The following SEC13 variants were observed in gnomAD, a reference collection of about 807,000 sequenced individuals.
SEC13 encodes SEC13 homolog, nuclear pore and COPII component.
SEC13 carries 25 observed loss-of-function variants against 49.2 expected under a neutral mutation model. The ratio of observed to expected loss-of-function variants is 0.51; its 90% CI spans 0.37 to 0.71. The LOEUF (loss-of-function observed/expected upper bound fraction) is 0.71, where lower values mean the gene tolerates loss of function less well. Among genes scored for constraint, SEC13 ranks in the 30% least tolerant of loss-of-function variants. SEC13 has a pLI of 0.00. For synonymous variants in SEC13, 148 were observed against 163.9 expected (o/e 0.90, Z 0.74); for missense variants, 383 against 417.6 (o/e 0.92, Z 0.72).
intron 1 of SEC13, among the ~76,000 whole-genome samples, chr3:10,318,741 A>G (rs1451512390): frequency 2.0e-5 from 3 of 152,196 alleles, no homozygotes; most frequent in Admixed American, 1.3e-4. Context: ...GGGCTGGAAC[A>G]TGGTGTCATG....
intron 2 of SEC13, 56 bp from the exon 3 acceptor site, chr3:10,315,492 G>A: frequency 2.5e-6 from 1 of 392,920 alleles, no homozygotes; most frequent in Non-Finnish European, 5.2e-6. Context: ...GGTGGGTGGG[G>A]TGAGGGCTGT....
At chr3:10,316,418 T>C (rs1408892032) in intron 2 of SEC13, among the ~76,000 whole-genome samples, 1 of 152,140 alleles carries the variant, frequency 6.6e-6, no homozygotes, top group African/African-American at 2.4e-5. Flanking sequence ...CATCCTGATT[T>C]TTCTTTGGGA....
chr3:10,311,693 A>C, intron 5 of SEC13: 1 of 1,327,706 alleles, frequency 7.5e-7, no homozygotes. Flanking sequence ...CCTGGAGGCA[A>C]CCATAGCTAA....
At chr3:10,309,184 C>T (rs1296398462) in intron 5 of SEC13, among the ~76,000 whole-genome samples, 1 of 152,010 alleles carries the variant, frequency 6.6e-6, no homozygotes, top group Non-Finnish European at 1.5e-5. Context: ...GTGATCCGCC[C>T]ACCTCAGCAT....
chr3:10,317,022 A>G (rs2577801), intron 2 of SEC13, among the ~76,000 whole-genome samples: 1 of 147,594 alleles, frequency 6.8e-6, no homozygotes, highest in Non-Finnish European at 1.5e-5. Flanking sequence ...AAAAAAAAAA[A>G]GAAAAGTACT....
chr3:10,305,719 C>T (rs1700832800), intron 5 of SEC13, 27 bp from the exon 6 acceptor site: 1 of 1,613,398 alleles, frequency 6.2e-7, no homozygotes, highest in South Asian at 1.1e-5. Context: ...CATGGTGACT[C>T]TGCCTTGCAA....
At chr3:10,304,882 C>A in intron 7 of SEC13, 151 bp downstream of exon 7, 1 of 1,151,954 alleles carries the variant, frequency 8.7e-7, no homozygotes, top group Non-Finnish European at 1.2e-6. Flanking sequence ...CAAGACTTCC[C>A]CACACAATGA....
Position 10,301,243 on chromosome 3 carries a change from C to G in SEC13, c.*18G>C. The G allele has an allele frequency of 6.2e-7, 1 of 1,614,186 alleles. No homozygotes were observed. The highest frequency in any genetic ancestry group is 8.5e-7 in the Non-Finnish European group (1 of 1,180,020). The stretch of plus-strand genomic sequence containing the variant: ...GTCCTGGAGCTGGCGGGTGGGGAGC[C>G]AGGCCCCACCTGTCTTGTCACTGCT... On this transcript the variant is annotated 3_prime_UTR_variant, in exon 9 of 9. Coordinates refer to ENST00000350697, the MANE Select transcript of SEC13 (RefSeq NM_183352.3).
intron 5 of SEC13, among the ~76,000 whole-genome samples, chr3:10,308,203 A>C (rs949446950): frequency 6.6e-6 from 1 of 152,140 alleles, no homozygotes; most frequent in African/African-American, 2.4e-5. Flanking sequence ...CATCATTCCC[A>C]AAAGTTTCCT....
At chr3:10,301,449 T>A in intron 8 of SEC13, 75 bp from the exon 9 acceptor site, 1 of 1,579,954 alleles carries the variant, frequency 6.3e-7, no homozygotes, top group Non-Finnish European at 8.6e-7. Flanking sequence ...ATGAGCCTCA[T>A]CCTCATCAAG....
At chr3:10,315,960 C>A (rs1238982451) in intron 2 of SEC13, among the ~76,000 whole-genome samples, 3 of 152,236 alleles carry the variant, frequency 2.0e-5, no homozygotes, top group African/African-American at 7.2e-5. Context: ...GATATTTGGG[C>A]TCTTTCCAGC....
rs1488915589 is a variant in SEC13, at chr3:10,321,099, C to A, written c.-47G>T. 1.9e-6 allele frequency: 3 copies of A among 1,611,924 alleles called. No individual in the cohort carries two copies. The highest frequency in any genetic ancestry group is 1.7e-4 in the Middle Eastern group (1 of 6,056). On this transcript the variant is annotated 5_prime_UTR_variant, in exon 1 of 9. Transcript: ENST00000350697. This position sits in a 1 kb window ranked among gnomAD's most constrained non-coding sequence, Gnocchi z 4.1. The stretch of plus-strand genomic sequence containing the variant: ...AGGTCTCGGACGTGGCAGCTCCCGG[C>A]GGCGCCTCGGAACAGCTCACTTCCG...
At chr3:10,306,692 G>C (rs1700897517) in intron 5 of SEC13, among the ~76,000 whole-genome samples, 1 of 152,180 alleles carries the variant, frequency 6.6e-6, no homozygotes, top group Non-Finnish European at 1.5e-5. Context: ...TATCACAGGG[G>C]CAAGTCTTTC....
intron 8 of SEC13, 54 bp downstream of exon 8, chr3:10,303,972 C>G (rs559698671): frequency 6.2e-7 from 1 of 1,600,432 alleles, no homozygotes. Flanking sequence ...CTCTAGTGGG[C>G]GGGGTGAAGA....
intron 8 of SEC13, among the ~76,000 whole-genome samples, chr3:10,302,441 T>C (rs565040441): frequency 2.0e-5 from 3 of 152,234 alleles, no homozygotes; most frequent in Admixed American, 2.0e-4. Flanking sequence ...GGAAACAGGC[T>C]TGTAAAGAAG....
chr3:10,313,491 G>C (rs925087990), intron 3 of SEC13: 1 of 516,878 alleles, frequency 1.9e-6, no homozygotes, highest in East Asian at 5.5e-5. Context: ...AACAATGCTT[G>C]GTAGAAGGAA....
intron 8 of SEC13, 130 bp from the exon 9 acceptor site, chr3:10,301,504 T>C (rs974744733): frequency 1.7e-6 from 2 of 1,150,156 alleles, no homozygotes; most frequent in African/African-American, 3.1e-5. Context: ...ATGTCCCTCC[T>C]CCACTGAAAT....
chr3:10,312,809 G>A, intron 3 of SEC13, 79 bp from the exon 4 acceptor site: 9 of 1,415,396 alleles, frequency 6.4e-6, no homozygotes, highest in Non-Finnish European at 8.9e-6. Flanking sequence ...ATGGCTCCCT[G>A]AGACGATATA....
intron 2 of SEC13, 64 bp downstream of exon 2, chr3:10,317,986 T>G (rs1431364330): frequency 5.3e-6 from 6 of 1,141,926 alleles, no homozygotes; most frequent in African/African-American, 3.1e-5. Context: ...AACCCCAAAT[T>G]GCTTCCCTCC....
Sources: gnomAD v4.1 joint callset for allele counts (sites outside exome capture counted in the v4.1 genomes callset) on GRCh38, gnomAD v4.1.1 for gene constraint, Gnocchi (gnomAD v3.1) non-coding constraint, MANE v1.5 for transcripts, NCBI Gene and HGNC (gene_info 2026-07-23, HGNC 2026-07-21) for gene names.